THSD7B: variants seen among roughly 807,000 people sequenced by gnomAD.
THSD7B encodes the protein thrombospondin type 1 domain containing 7B, also known as thrombospondin type-1 domain-containing protein 7B.
A neutral mutation model predicts 213.6 loss-of-function variants in THSD7B; 138 were observed. The observed-to-expected ratio is 0.65, with a 90% CI of 0.56 to 0.74. The LOEUF (loss-of-function observed/expected upper bound fraction) is 0.74, where lower values mean the gene tolerates loss of function less well. THSD7B is among the 30% of genes least tolerant of loss of function. The pLI is 0.00. For missense variants in THSD7B, 1,931 were observed against 1,991.5 expected, an observed-to-expected ratio of 0.97 and a Z score of 0.58; for synonymous variants, 742 against 687.0, an observed-to-expected ratio of 1.08 and a Z score of -1.25.
intron 17 of THSD7B, among the ~76,000 whole-genome samples, chr2:137,609,626 G>T (rs1427176954): frequency 6.6e-6 from 1 of 152,196 alleles, no homozygotes; most frequent in Non-Finnish European, 1.5e-5. Context: ...CAGATATAAT[G>T]CTGGACCCGA....
chr2:137,582,120 A>G (rs975094712), intron 17 of THSD7B, among the ~76,000 whole-genome samples: 3 of 145,424 alleles, frequency 2.1e-5, no homozygotes, highest in Non-Finnish European at 3.0e-5. Context: ...AATAAAATAT[A>G]GATAAATAAA....
At chr2:137,267,185 T>C (rs980201668) in intron 10 of THSD7B, among the ~76,000 whole-genome samples, 2 of 152,230 alleles carry the variant, frequency 1.3e-5, no homozygotes, top group African/African-American at 2.4e-5. Flanking sequence ...CTTTTGACTA[T>C]AATTAAAAAC....
chr2:137,110,960 C>T (rs1482572891), intron 4 of THSD7B, among the ~76,000 whole-genome samples: 1 of 152,098 alleles, frequency 6.6e-6, no homozygotes, highest in Non-Finnish European at 1.5e-5. Context: ...CAATATATAC[C>T]ATATAGCCTA....
chr2:137,161,487 A>G (rs1375941339), intron 6 of THSD7B, among the ~76,000 whole-genome samples: 1 of 152,190 alleles, frequency 6.6e-6, no homozygotes, highest in African/African-American at 2.4e-5. Flanking sequence ...AGTAATTCCT[A>G]GAGTGCTCAT....
intron 12 of THSD7B, among the ~76,000 whole-genome samples, chr2:137,380,981 G>T (rs1413212830): frequency 6.6e-6 from 1 of 152,246 alleles, no homozygotes; most frequent in Non-Finnish European, 1.5e-5. Flanking sequence ...CTCACACCCA[G>T]AGAGAGAGTA....
intron 7 of THSD7B, among the ~76,000 whole-genome samples, chr2:137,171,397 A>G (rs1045326040): frequency 6.6e-6 from 1 of 152,224 alleles, no homozygotes; most frequent in African/African-American, 2.4e-5. Flanking sequence ...ATATGACATT[A>G]GAGTTGAATC....
intron 7 of THSD7B, among the ~76,000 whole-genome samples, chr2:137,184,842 A>C (rs1352011294): frequency 2.6e-5 from 4 of 152,292 alleles, no homozygotes; most frequent in African/African-American, 9.6e-5. Flanking sequence ...AACTAATTTG[A>C]AATTTGTTTG....
intron 3 of THSD7B, among the ~76,000 whole-genome samples, chr2:137,089,533 ATTACTC>A (rs1687912572): frequency 6.6e-6 from 1 of 151,878 alleles, no homozygotes; most frequent in South Asian, 2.1e-4. Context: ...ATTGGAGACT[ATTACTC>A]TAAGTCAAGT....
intron 10 of THSD7B, among the ~76,000 whole-genome samples, chr2:137,259,278 T>C (rs151038285): frequency 0.012 from 1,760 of 152,300 alleles, 30 homozygotes; most frequent in African/African-American, 0.039. Context: ...TCCACAATGG[T>C]TGAACTACTT....
intron 1 of THSD7B, among the ~76,000 whole-genome samples, chr2:136,794,401 T>C (rs1682024209): frequency 6.6e-6 from 1 of 151,878 alleles, no homozygotes; most frequent in African/African-American, 2.4e-5. Flanking sequence ...ATATATTATA[T>C]TTTTATCTTC....
At chr2:137,670,493 A>C (rs1157137655) in intron 27 of THSD7B, among the ~76,000 whole-genome samples, 3 of 152,230 alleles carry the variant, frequency 2.0e-5, no homozygotes, top group African/African-American at 7.2e-5. Flanking sequence ...AAATAGAAAA[A>C]AAATTGACTT....
At chr2:136,867,534 A>G (rs1436648357) in intron 1 of THSD7B, among the ~76,000 whole-genome samples, 2 of 152,208 alleles carry the variant, frequency 1.3e-5, no homozygotes, top group Non-Finnish European at 1.5e-5. Flanking sequence ...CAAAGAATAT[A>G]TTATATAGTA....
chr2:137,582,797 C>T (rs1312674677), intron 17 of THSD7B, among the ~76,000 whole-genome samples: 4 of 152,154 alleles, frequency 2.6e-5, no homozygotes, highest in East Asian at 1.9e-4. Context: ...CCGCAATAAA[C>T]ATACGTGTGC....
At chr2:136,788,560 C>T (rs7561848) in intron 1 of THSD7B, among the ~76,000 whole-genome samples, 20,912 of 151,610 alleles carry the variant, frequency 0.14, 1,639 homozygotes, top group African/African-American at 0.2. Context: ...ATTTTTTTTC[C>T]TTTGGAGAAT....
At chr2:137,356,680 C>T (rs547383425) in intron 12 of THSD7B, among the ~76,000 whole-genome samples, 25 of 152,218 alleles carry the variant, frequency 1.6e-4, no homozygotes, top group East Asian at 1.2e-3. Context: ...GGGGCTGTCT[C>T]GACTCCTCCA....
chr2:136,842,042 T>A (rs2104956249), intron 1 of THSD7B, among the ~76,000 whole-genome samples: 1 of 152,364 alleles, frequency 6.6e-6, no homozygotes, highest in South Asian at 2.1e-4. Context: ...ACTATCATGA[T>A]AGCAAACTTT....
chr2:137,074,643 T>G (rs1047647339), intron 3 of THSD7B, among the ~76,000 whole-genome samples: 29 of 152,192 alleles, frequency 1.9e-4, no homozygotes, highest in Admixed American at 3.3e-4. Context: ...GTTAGCTGGT[T>G]ATTTTGCTCG....
chr2:137,203,843 G>GAC (rs1229127228), intron 7 of THSD7B, among the ~76,000 whole-genome samples: 5 of 151,860 alleles, frequency 3.3e-5, no homozygotes, highest in African/African-American at 4.8e-5. Context: ...AAAGTATCAT[G>GAC]ACACACACAC....
At chr2:137,599,074 C>T (rs964282084) in intron 17 of THSD7B, among the ~76,000 whole-genome samples, 2 of 142,812 alleles carry the variant, frequency 1.4e-5, no homozygotes. Context: ...TGGTATTCCC[C>T]TTCATGTGTC....
Sources: allele counts gnomAD v4.1 joint callset (sites outside exome capture counted in the v4.1 genomes callset), GRCh38; gene constraint gnomAD v4.1.1; transcripts MANE v1.5; gene names NCBI Gene and HGNC (gene_info 2026-07-23, HGNC 2026-07-21).